The following RAB3GAP2 variants were observed in gnomAD, a reference collection of about 807,000 sequenced individuals.
RAB3GAP2 encodes the protein rab3 GTPase-activating protein non-catalytic subunit.
Under a neutral mutation model 185.3 loss-of-function variants are expected in RAB3GAP2, and 87 were observed. The ratio of observed to expected loss-of-function variants is 0.47; its 90% CI spans 0.39 to 0.56. The LOEUF is 0.56. Among genes scored for constraint, RAB3GAP2 ranks in the 20% least tolerant of loss-of-function variants. The pLI is 0.00. For synonymous variants in RAB3GAP2, 554 were observed against 576.1 expected (o/e 0.96, Z 0.55); for missense variants, 1,492 against 1,638.2 (o/e 0.91, Z 1.54).
At position 220,148,659 on chromosome 1, in the gene RAB3GAP2, C is replaced by T. The variant is rs1300588789; in HGVS notation, c.*2592G>A. ...ATTTCAGATTTTTGACTTTTTAGAT[C>T]GCAATTGTTTTTAAAAAGCAATTTA... On this transcript the variant is annotated 3_prime_UTR_variant, in exon 35 of 35. Coordinates refer to ENST00000358951, the MANE Select transcript of RAB3GAP2 (RefSeq NM_012414.4). 1 of 152,050 alleles carries T rather than the reference C, an allele frequency of 6.6e-6. No homozygotes were observed. Among genetic ancestry groups the T allele is most frequent in the African/African-American group, 2.4e-5 (1 of 41,430 alleles). The allele number at this position is 152,050 out of a possible 1,614,324, so 9.4% of individuals were successfully genotyped here.
chr1:220,202,349 T>C lies in RAB3GAP2; in HGVS notation c.738A>G (p.Ile246Met), dbSNP rs374847251. ...TCTTATAAGCTAATGGTGGTGGTTG[T>C]ATGTTCTCATTGCCTGATGCTGCAG... ...AKAAASGNENIQPPPLAYKKW... is the reference protein window; with the variant it reads ...AKAAASGNENMQPPPLAYKKW... Residue 246 changes from isoleucine (I) to methionine (M), a missense_variant, in exon 9 of 35, where the codon ATA becomes ATG. Physicochemically the swap from Ile to Met is conservative, Grantham distance 10 (BLOSUM62 1). Coordinates refer to ENST00000358951, the MANE Select transcript of RAB3GAP2 (RefSeq NM_012414.4). 1.4e-5 allele frequency: 22 copies of C among 1,613,898 alleles called. No homozygotes were observed. In the South Asian group the frequency reaches 2.1e-4, roughly 15 times the overall value.
rs749093248 is a variant in RAB3GAP2 at position 220,171,992 on chromosome 1, C to T, written c.2474G>A (p.Arg825His). 4 of 1,614,108 alleles carry T rather than the reference C, an allele frequency of 2.5e-6. No individual in the cohort carries two copies. The highest frequency in any genetic ancestry group is 1.7e-5 in the Admixed American group (1 of 60,024). The stretch of plus-strand genomic sequence containing the variant: ...GTTCTCAGACTGAATACAGGCTGTG[C>T]GCATCTGCTGCCACCATGGGGACAC... ...QSVSPWWQQM[R>H]TACIQSENNG... Residue 825 changes from arginine to histidine, a missense_variant, in exon 23 of 35, where the codon CGC becomes CAC. By Grantham distance (29) the Arg-to-His change is conservative. This residue lies in a region of RAB3GAP2 where 681 missense variants were observed against 689.1 expected (regional missense o/e 0.99). Transcript: ENST00000358951.
In RAB3GAP2 at chr1:220,213,845, AG is replaced by A; in HGVS notation, c.304+10del. The stretch of plus-strand genomic sequence containing the variant: ...CAAAATAAAGGTCGCTGAAAATAAT[AG>A]GATACTCACGCACTAGAAATACAGC... On this transcript the variant is annotated intron_variant, in intron 3 of 34. Transcript: ENST00000358951. The A allele has an allele frequency of 6.2e-7, 1 of 1,611,138 alleles. No homozygotes were observed.
chr1:220,212,390 C>T (rs368780235), intron 4 of RAB3GAP2, among the ~76,000 whole-genome samples: 1 of 152,066 alleles, frequency 6.6e-6, no homozygotes. Flanking sequence ...CATAATTACA[C>T]GATATATAAA....
chr1:220,183,826 T>C (rs927262805), intron 19 of RAB3GAP2, among the ~76,000 whole-genome samples: 1 of 152,160 alleles, frequency 6.6e-6, no homozygotes, highest in African/African-American at 2.4e-5. Context: ...TGGCTGGGCA[T>C]AGTGGCTTAT....
chr1:220,267,444 A>G, intron 1 of RAB3GAP2: 1 of 1,377,948 alleles, frequency 7.3e-7, no homozygotes, highest in Admixed American at 1.7e-5. Context: ...TAAGAGCCAG[A>G]ATAAACTTGC....
At chr1:220,255,648 T>C (rs974826021) in intron 1 of RAB3GAP2, among the ~76,000 whole-genome samples, 4 of 152,104 alleles carry the variant, frequency 2.6e-5, no homozygotes, top group East Asian at 1.9e-4. Flanking sequence ...CAAGTATCAA[T>C]AGCAGAACAG....
chr1:220,220,861 C>A (rs190207749), intron 2 of RAB3GAP2, among the ~76,000 whole-genome samples: 223 of 152,288 alleles, frequency 1.5e-3, no homozygotes, highest in African/African-American at 5.2e-3. Flanking sequence ...TCCCCAGCCA[C>A]GTGGAAGTGT....
chr1:220,242,615 C>A (rs1015095282), intron 1 of RAB3GAP2, among the ~76,000 whole-genome samples: 3 of 152,176 alleles, frequency 2.0e-5, no homozygotes, highest in Non-Finnish European at 4.4e-5. Flanking sequence ...CTTCTAGTAT[C>A]AGGTATTGTT....
intron 24 of RAB3GAP2, among the ~76,000 whole-genome samples, chr1:220,169,342 T>G (rs752374834): frequency 1.3e-5 from 2 of 152,134 alleles, no homozygotes; most frequent in South Asian, 4.1e-4. Context: ...CTGCAAGATA[T>G]AAGCACAGGA....
chr1:220,171,444 A>G (rs1342396549), intron 23 of RAB3GAP2, among the ~76,000 whole-genome samples: 1 of 152,208 alleles, frequency 6.6e-6, no homozygotes, highest in South Asian at 2.1e-4. Flanking sequence ...CAAAATACTT[A>G]TATTTCTTCA....
intron 27 of RAB3GAP2, among the ~76,000 whole-genome samples, chr1:220,164,449 T>G (rs1558140996): frequency 1.3e-5 from 2 of 150,492 alleles, no homozygotes; most frequent in Admixed American, 6.7e-5. Context: ...AGTACTGTTT[T>G]TTTTTTGTTT....
At chr1:220,233,826 G>T (rs939524101) in intron 1 of RAB3GAP2, among the ~76,000 whole-genome samples, 1 of 152,000 alleles carries the variant, frequency 6.6e-6, no homozygotes, top group Non-Finnish European at 1.5e-5. Flanking sequence ...TCAGTCTCTG[G>T]AGTAGCTGGG....
intron 9 of RAB3GAP2, among the ~76,000 whole-genome samples, chr1:220,201,960 T>C (rs1571898011): frequency 6.6e-6 from 1 of 151,128 alleles, no homozygotes; most frequent in Non-Finnish European, 1.5e-5. Context: ...AGGTCAGGAG[T>C]TCAAGACCAA....
chr1:220,159,198 A>C (rs1558139163), intron 29 of RAB3GAP2, among the ~76,000 whole-genome samples, 188 bp downstream of exon 29: 1 of 152,304 alleles, frequency 6.6e-6, no homozygotes, highest in Non-Finnish European at 1.5e-5. Context: ...AATCTGGAAA[A>C]GTAAATTAAA....
In RAB3GAP2 at chr1:220,161,879, C is replaced by T. The variant is rs774449217; in HGVS notation, c.3225+319G>A. Among the ~76,000 whole-genome samples the T allele has an allele frequency of 2.6e-4, 39 of 152,118 alleles. 1 individual carries two copies. Among genetic ancestry groups the T allele is most frequent in the Non-Finnish European group, 8.8e-5 (6 of 68,002 alleles). ...CTCCATTCAAAGAAAATATCTTGGCCTTACATCAAAGATTGGTAAGTGTAA... is the reference window on the plus strand; with the variant it reads ...CTCCATTCAAAGAAAATATCTTGGCTTTACATCAAAGATTGGTAAGTGTAA... On this transcript the variant is annotated intron_variant, in intron 28 of 34. Coordinates refer to ENST00000358951, the MANE Select transcript of RAB3GAP2 (RefSeq NM_012414.4).
chr1:220,253,773 C>A (rs1203058805), intron 1 of RAB3GAP2: 1 of 1,611,560 alleles, frequency 6.2e-7, no homozygotes, highest in African/African-American at 1.3e-5. Flanking sequence ...ACGTGGACAC[C>A]AATTTGCAGA....
At chr1:220,209,869 A>T (rs1466225814) in intron 7 of RAB3GAP2, among the ~76,000 whole-genome samples, 1 of 152,210 alleles carries the variant, frequency 6.6e-6, no homozygotes, top group Non-Finnish European at 1.5e-5. Flanking sequence ...CAAGGCACCT[A>T]AGAAGTTAGA....
intron 1 of RAB3GAP2, among the ~76,000 whole-genome samples, chr1:220,262,015 C>T (rs912034975): frequency 2.0e-5 from 3 of 151,664 alleles, no homozygotes; most frequent in South Asian, 2.1e-4. Context: ...ACAGGCCAGG[C>T]GCGGTGGCTC....
Sources: allele counts gnomAD v4.1 joint callset (sites outside exome capture counted in the v4.1 genomes callset), GRCh38; gene constraint gnomAD v4.1.1; regional missense constraint gnomAD v4.1.1; transcripts MANE v1.5; gene names NCBI Gene and HGNC (gene_info 2026-07-23, HGNC 2026-07-21).